Variants in COL4A5 observed in about 807,000 individuals in gnomAD.
COL4A5 encodes collagen alpha-5(IV) chain.
In COL4A5, 26 loss-of-function variants were observed where a neutral mutation model predicts 130.2. The observed-to-expected ratio is 0.20, with a 90% CI of 0.15 to 0.28. COL4A5 has a LOEUF of 0.28. COL4A5 is among the 10% of genes least tolerant of loss of function. The probability of loss-of-function intolerance (pLI) is 1.00; values close to 1 mark genes in which losing one functional copy is unlikely to be tolerated. For missense variants in COL4A5, 1,131 were observed against 1,344.3 expected, an observed-to-expected ratio of 0.84 and a Z score of 2.48; for synonymous variants, 496 against 439.6, an observed-to-expected ratio of 1.13 and a Z score of -1.60.
rs777888174 is a variant in COL4A5, at chrX:108,692,854, C to G, written c.4635C>G (p.Leu1545=). The G allele has an allele frequency of 1.7e-5, 20 of 1,209,619 alleles. No individual in the cohort carries two copies. The highest frequency in any genetic ancestry group is 3.5e-5 in the African/African-American group (2 of 57,134). The change falls in exon 50 of 53, where the codon CTC becomes CTG. Residue 1545 remains leucine (L), a synonymous_variant. Coordinates refer to ENST00000328300, the MANE Select transcript of COL4A5 (RefSeq NM_033380.3). ...FASRNDYSYW[L]STPEPMPMSM... ...CAAGAAATGACTATTCTTACTGGCTCTCTACCCCAGAGCCCATGCCAATGA... is the reference window on the plus strand; with the variant it reads ...CAAGAAATGACTATTCTTACTGGCTGTCTACCCCAGAGCCCATGCCAATGA...
At chrX:108,543,045 C>A (rs1194976896) in intron 2 of COL4A5, among the ~76,000 whole-genome samples, 2 of 111,115 alleles carry the variant, frequency 1.8e-5, no homozygotes, top group African/African-American at 6.6e-5. Context: ...AATTTTCTCC[C>A]ATTTTGTAGG....
At chrX:108,647,500 C>T (rs1030018570) in intron 36 of COL4A5, among the ~76,000 whole-genome samples, 4 of 111,268 alleles carry the variant, frequency 3.6e-5, no homozygotes, top group Non-Finnish European at 7.5e-5. Flanking sequence ...ATGGGGTTTT[C>T]TAGATATACA....
At chrX:108,657,547 G>T (rs1165778002) in intron 37 of COL4A5, among the ~76,000 whole-genome samples, 1 of 111,458 alleles carries the variant, frequency 9.0e-6, no homozygotes, top group East Asian at 2.8e-4. Context: ...TTTTAAGTTT[G>T]CAATAACTCT....
chrX:108,670,111 A>G, intron 41 of COL4A5, 117 bp from the exon 42 acceptor site: 1 of 806,360 alleles, frequency 1.2e-6, no homozygotes, highest in Non-Finnish European at 1.8e-6. Flanking sequence ...AATGAATTTT[A>G]ACTTGAAAGT....
At chrX:108,527,815 C>G (rs2065341649) in intron 1 of COL4A5, among the ~76,000 whole-genome samples, 1 of 111,909 alleles carries the variant, frequency 8.9e-6, no homozygotes, top group Non-Finnish European at 1.9e-5. Flanking sequence ...TGGGCCTAAA[C>G]TCCCAACCAC....
At chrX:108,578,705 G>T (rs1294768307) in intron 13 of COL4A5, among the ~76,000 whole-genome samples, 1 of 98,383 alleles carries the variant, frequency 1.0e-5, no homozygotes, top group Non-Finnish European at 2.0e-5. Flanking sequence ...TTGAGACTAA[G>T]TCTTGCTCTT....
intron 3 of COL4A5, among the ~76,000 whole-genome samples, chrX:108,562,027 T>C (rs2065905866): frequency 8.9e-6 from 1 of 112,155 alleles, no homozygotes; most frequent in Non-Finnish European, 1.9e-5. Context: ...ACAGAATGAT[T>C]CTTGTGCACC....
chrX:108,692,862 C>T lies in COL4A5; in HGVS notation c.4643C>T (p.Pro1548Leu), dbSNP rs771101410. ...GACTATTCTTACTGGCTCTCTACCC[C>T]AGAGCCCATGCCAATGAGCATGCAA... ...RNDYSYWLST[P>L]EPMPMSMQPL... The change falls in exon 50 of 53, where the codon CCA becomes CTA. Residue 1548 changes from proline (P) to leucine (L), a missense_variant. Coordinates refer to ENST00000328300, the MANE Select transcript of COL4A5 (RefSeq NM_033380.3). 4.6e-5 allele frequency: 56 copies of T among 1,208,719 alleles called. 1 individual carries two copies. In the Admixed American group the frequency reaches 1.2e-3, roughly 26 times the overall value.
In COL4A5 at chrX:108,677,262, A is replaced by G. The variant is rs141691440; in HGVS notation, c.3809-238A>G. On this transcript the variant is annotated intron_variant, in intron 43 of 52. Transcript: ENST00000328300. Reference sequence around the variant, plus strand: ...AGTCTTTTTCTTTAGATGTTATTTTATTGAATTTAATATATAATAAAATGT... The same window carrying G: ...AGTCTTTTTCTTTAGATGTTATTTTGTTGAATTTAATATATAATAAAATGT... 4.7e-3 allele frequency among the ~76,000 whole-genome samples: 528 copies of G among 112,282 alleles called. 2 individuals carry two copies. The highest frequency in any genetic ancestry group is 8.1e-3 in the Non-Finnish European group (429 of 53,226).
At chrX:108,470,141 T>G (rs2064751114) in intron 1 of COL4A5, among the ~76,000 whole-genome samples, 2 of 112,084 alleles carry the variant, frequency 1.8e-5, no homozygotes, top group South Asian at 7.4e-4. Context: ...ATTTCTTTTT[T>G]GGGGGGTATA....
In COL4A5 at chrX:108,512,847, C is replaced by T. The variant is rs368907077; in HGVS notation, c.82-26899C>T. Among the ~76,000 whole-genome samples, 411 of 111,232 alleles carry T rather than the reference C, an allele frequency of 3.7e-3. 2 individuals are homozygous for T. Among genetic ancestry groups the T allele is most frequent in the African/African-American group, 0.013 (385 of 30,518 alleles). ...TCAGGAGACAGGGTTTGAGAGCAAC[C>T]GGTCTGACCAAAATTTATTAGGCGA... is the stretch of plus-strand genomic sequence containing the variant. On this transcript the variant is annotated intron_variant, in intron 1 of 52. Coordinates refer to ENST00000328300, the MANE Select transcript of COL4A5 (RefSeq NM_033380.3).
At chrX:108,569,571 A>G (rs1338972409) in intron 6 of COL4A5, among the ~76,000 whole-genome samples, 1 of 111,189 alleles carries the variant, frequency 9.0e-6, no homozygotes, top group African/African-American at 3.3e-5. Context: ...ATATATTGTT[A>G]TTCTCTGTAT....
In COL4A5 at chrX:108,539,777, G is replaced by C; in HGVS notation, c.113G>C (p.Cys38Ser). ...ACYGCSPGSK[C>S]DCSGIKGEKG... The stretch of plus-strand genomic sequence containing the variant: ...TATGGGTGTTCTCCAGGATCAAAGT[G>C]TGACTGCAGTGGCATAAAAGGGGAA... The change falls in exon 2 of 53, where the codon TGT becomes TCT. Residue 38 changes from cysteine (C) to serine (S), a missense_variant. Coordinates refer to ENST00000328300, the MANE Select transcript of COL4A5 (RefSeq NM_033380.3). 1 of 1,209,593 alleles carries C rather than the reference G, an allele frequency of 8.3e-7. No individual in the cohort carries two copies. Among genetic ancestry groups the C allele is most frequent in the Non-Finnish European group, 1.1e-6 (1 of 893,858 alleles).
intron 34 of COL4A5, among the ~76,000 whole-genome samples, chrX:108,624,856 T>C (rs1374226162): frequency 1.8e-5 from 2 of 111,496 alleles, no homozygotes; most frequent in African/African-American, 3.3e-5. Context: ...TTTTAAATCC[T>C]ACTAAAACTC....
intron 1 of COL4A5, among the ~76,000 whole-genome samples, chrX:108,493,777 A>G (rs1374103465): frequency 2.0e-5 from 2 of 99,038 alleles, no homozygotes; most frequent in Non-Finnish European, 2.0e-5. Flanking sequence ...CAGCATTTAT[A>G]TGGCTTACCT....
chrX:108,573,540 G>A, intron 8 of COL4A5, 34 bp from the exon 9 acceptor site: 3 of 1,014,383 alleles, frequency 3.0e-6, no homozygotes, highest in Admixed American at 4.4e-5. Context: ...TATAATAACT[G>A]TGTCTTAGAA....
At chrX:108,486,474 T>C (rs945577090) in intron 1 of COL4A5, among the ~76,000 whole-genome samples, 7 of 111,638 alleles carry the variant, frequency 6.3e-5, no homozygotes, top group African/African-American at 2.3e-4. Flanking sequence ...GTTATATGAA[T>C]AAGTTCTTTA....
intron 33 of COL4A5, among the ~76,000 whole-genome samples, chrX:108,623,985 C>T (rs1490872912): frequency 1.8e-5 from 2 of 111,447 alleles, no homozygotes; most frequent in African/African-American, 6.5e-5. Context: ...TCTTCATTTC[C>T]ATTGTAAGAA....
intron 36 of COL4A5, among the ~76,000 whole-genome samples, chrX:108,649,763 C>T (rs58441287): frequency 0.093 from 10,351 of 111,220 alleles, 1,097 homozygotes; most frequent in African/African-American, 0.31. Context: ...CAACTCAAGA[C>T]GGATTAAGGA....
Sources: allele counts gnomAD v4.1 joint callset (sites outside exome capture counted in the v4.1 genomes callset), GRCh38; gene constraint gnomAD v4.1.1; transcripts MANE v1.5; gene names NCBI Gene and HGNC (gene_info 2026-07-23, HGNC 2026-07-21).